PCDHGB3: variants seen among roughly 807,000 people sequenced by gnomAD.
The protein encoded by PCDHGB3 is protocadherin gamma subfamily B, 3.
In PCDHGB3, 40 loss-of-function variants were observed where a neutral mutation model predicts 59.2. That is an observed-to-expected ratio of 0.68 (90% CI 0.52 to 0.88). The LOEUF is 0.88. Ranked by LOEUF, PCDHGB3 falls within the 40% of genes least tolerant of loss-of-function variation. The pLI is 0.00. For missense variants in PCDHGB3, 1,309 were observed against 1,187.9 expected (o/e 1.10, Z -1.50); for synonymous variants, 581 against 503.6 (o/e 1.15, Z -2.06).
At position 141,490,456 on chromosome 5, in the gene PCDHGB3, C is replaced by G. The variant is rs370141879; in HGVS notation, c.2416-4351C>G. On this transcript the variant is annotated intron_variant, in intron 1 of 3. Transcript: ENST00000576222. The surrounding 1 kb of genome is among the most constrained non-coding windows in gnomAD (Gnocchi z 5.4). The stretch of plus-strand genomic sequence containing the variant: ...TAAGCCTTCTGAGAACCACTACTCG[C>G]TGCTAACCAGCCAGCCTTTGGACCG... 3.7e-6 allele frequency: 6 copies of G among 1,614,114 alleles called. No individual in the cohort carries two copies. Among genetic ancestry groups the G allele is most frequent in the Non-Finnish European group, 5.1e-6 (6 of 1,180,058 alleles).
intron 1 of PCDHGB3, among the ~76,000 whole-genome samples, chr5:141,467,062 T>C (rs2099136058): frequency 6.6e-6 from 1 of 151,686 alleles, no homozygotes; most frequent in South Asian, 2.1e-4. Context: ...TTTCTTTTTT[T>C]TTTTTTTTTA....
intron 1 of PCDHGB3, chr5:141,424,460 C>T (rs2096822106): frequency 6.6e-6 from 1 of 152,056 alleles, no homozygotes; most frequent in African/African-American, 2.4e-5. Context: ...GTATTATTTC[C>T]TTTTATTCTT....
chr5:141,408,256 T>C, intron 1 of PCDHGB3: 1 of 1,602,226 alleles, frequency 6.2e-7, no homozygotes, highest in East Asian at 2.3e-5. Flanking sequence ...AGGTGCTATT[T>C]CCTTTGCTGC....
At chr5:141,459,737 A>T (rs2098974670) in intron 1 of PCDHGB3, among the ~76,000 whole-genome samples, 1 of 152,176 alleles carries the variant, frequency 6.6e-6, no homozygotes, top group African/African-American at 2.4e-5. Flanking sequence ...CAATTTTTTA[A>T]ATTTTAGCAA....
At chr5:141,417,532 T>C (rs2096129143) in intron 1 of PCDHGB3, 1 of 284,726 alleles carries the variant, frequency 3.5e-6, no homozygotes, top group African/African-American at 2.2e-5. Flanking sequence ...ACTCGTAGTT[T>C]AAAAAAAATT....
Position 141,423,257 on chromosome 5 carries a change from G to T in PCDHGB3, c.2415+50448G>T, listed in dbSNP as rs1412429501. ...ATCCCCGAAGTCCTGGCGGACCTCG[G>T]CAGCCTCGAGTCTCTGGCTAACTCT... On this transcript the variant is annotated intron_variant, in intron 1 of 3. Transcript: ENST00000576222. The T allele has an allele frequency of 8.7e-6, 14 of 1,613,946 alleles. No individual in the cohort carries two copies. The highest frequency in any genetic ancestry group is 1.3e-5 in the African/African-American group (1 of 75,060).
intron 1 of PCDHGB3, chr5:141,389,516 G>A: frequency 6.2e-7 from 1 of 1,613,168 alleles, no homozygotes; most frequent in Non-Finnish European, 8.5e-7. Context: ...GCGCGAACGT[G>A]AGCCTGCGCG....
intron 2 of PCDHGB3, among the ~76,000 whole-genome samples, chr5:141,499,686 T>G (rs1400567357): frequency 1.3e-5 from 2 of 149,346 alleles, no homozygotes; most frequent in Non-Finnish European, 3.0e-5. Flanking sequence ...CTTTAACAGA[T>G]GACTTTTTTT....
Position 141,371,592 on chromosome 5 carries a change from A to G in PCDHGB3, c.1198A>G (p.Asn400Asp). The change falls in exon 1 of 4, where the codon AAC (asparagine) becomes GAC (aspartate). Residue 400 changes from asparagine to aspartate, a missense_variant. Physicochemically the swap from Asn to Asp is conservative, Grantham distance 23 (BLOSUM62 1). Coordinates refer to ENST00000576222, the MANE Select transcript of PCDHGB3 (RefSeq NM_018924.5). ...CTTTAAAATCGTTCAAGATACCAAAAACACATACAGGTTGGTGACAGATGG... is the reference window on the plus strand; with the variant it reads ...CTTTAAAATCGTTCAAGATACCAAAGACACATACAGGTTGGTGACAGATGG... ...FPFKIVQDTK[N>D]TYRLVTDGAL... 6.2e-7 allele frequency: 1 copy of G among 1,614,000 alleles called. No individual in the cohort carries two copies. The highest frequency in any genetic ancestry group is 8.5e-7 in the Non-Finnish European group (1 of 1,179,890).
chr5:141,374,389 T>C (rs746806211), intron 1 of PCDHGB3: 1 of 1,614,028 alleles, frequency 6.2e-7, no homozygotes, highest in South Asian at 1.1e-5. Flanking sequence ...GCCCGCGGTG[T>C]CTGGTGAGTT....
In PCDHGB3 at chr5:141,371,623, T is replaced by C; in HGVS notation, c.1229T>C (p.Leu410Pro). ...TACAGGTTGGTGACAGATGGAGCCC[T>C]GGACCGGGAGCAGATCCCAGAATAC... ...NTYRLVTDGA[L>P]DREQIPEYNV... Residue 410 changes from leucine to proline, a missense_variant, in exon 1 of 4, where the codon CTG becomes CCG. Coordinates refer to ENST00000576222, the MANE Select transcript of PCDHGB3 (RefSeq NM_018924.5). 1 of 1,614,008 alleles carries C rather than the reference T, an allele frequency of 6.2e-7. No individual in the cohort carries two copies. The highest frequency in any genetic ancestry group is 1.3e-5 in the African/African-American group (1 of 75,052).
Position 141,398,941 on chromosome 5 carries a change from G to A in PCDHGB3, c.2415+26132G>A. 4.3e-6 allele frequency: 7 copies of A among 1,613,890 alleles called. No homozygotes were observed. The highest frequency in any genetic ancestry group is 5.9e-6 in the Non-Finnish European group (7 of 1,179,892). ...AGTGTCAGCCACTGACCAAGACGAG[G>A]GCATCAACTCAGAAATTACTTATTC... is the stretch of plus-strand genomic sequence containing the variant. On this transcript the variant is annotated intron_variant, in intron 1 of 3. Transcript: ENST00000576222.
chr5:141,502,785 A>G (rs576095718), intron 2 of PCDHGB3, among the ~76,000 whole-genome samples: 2 of 150,900 alleles, frequency 1.3e-5, no homozygotes, highest in East Asian at 3.9e-4. Context: ...AATTACCTGG[A>G]TGATTTCTTC....
chr5:141,399,589 A>G (rs1460754588), intron 1 of PCDHGB3: 6 of 1,613,866 alleles, frequency 3.7e-6, no homozygotes, highest in Non-Finnish European at 3.4e-6. Context: ...CTACTCTATC[A>G]TGGCCAGCGA....
At chr5:141,417,452 C>A in intron 1 of PCDHGB3, 1 of 173,536 alleles carries the variant, frequency 5.8e-6, no homozygotes, top group Non-Finnish European at 1.2e-5. Flanking sequence ...ATAGTTATGA[C>A]CAAGTGGAAA....
Position 141,511,344 on chromosome 5 carries a change from T to G in PCDHGB3, c.*171T>G, listed in dbSNP as rs2099883730. 3 of 1,419,052 alleles carry G rather than the reference T, an allele frequency of 2.1e-6. No homozygotes were observed. Among genetic ancestry groups the G allele is most frequent in the Non-Finnish European group, 2.8e-6 (3 of 1,067,404 alleles). 87.9% of individuals were successfully genotyped at this position (1,419,052 alleles called of 1,614,324 possible). On this transcript the variant is annotated 3_prime_UTR_variant, in exon 4 of 4. Coordinates refer to ENST00000576222, the MANE Select transcript of PCDHGB3 (RefSeq NM_018924.5). The stretch of plus-strand genomic sequence containing the variant: ...CAAGTGCCCAGTCAGCACCTACCCC[T>G]TCCCCCCCAGGGGGTTGAATATGCA...
intron 1 of PCDHGB3, among the ~76,000 whole-genome samples, chr5:141,483,613 C>A (rs2099583607): frequency 6.6e-6 from 1 of 151,914 alleles, no homozygotes; most frequent in South Asian, 2.1e-4. Context: ...ACACCTCCAT[C>A]ATTCCCATGG....
chr5:141,399,643 C>G lies in PCDHGB3; in HGVS notation c.2415+26834C>G, dbSNP rs776980167. On this transcript the variant is annotated intron_variant, in intron 1 of 3. Transcript: ENST00000576222. The stretch of plus-strand genomic sequence containing the variant: ...GGCCTCTTACGTGTCCATGAGCGCG[C>G]AAAGTGGGGTGGTGTTCGCGCAGCG... 133 of 1,613,714 alleles carry G rather than the reference C, an allele frequency of 8.2e-5. No individual in the cohort carries two copies. Among genetic ancestry groups the G allele is most frequent in the Non-Finnish European group, 1.1e-4 (126 of 1,179,890 alleles).
chr5:141,449,588 CAA>C (rs768743917), intron 1 of PCDHGB3, among the ~76,000 whole-genome samples: 5 of 57,502 alleles, frequency 8.7e-5, no homozygotes, highest in Admixed American at 1.8e-4. Flanking sequence ...GACTCTGTCT[CAA>C]AAAAAAAAAA....
Sources: allele counts gnomAD v4.1 joint callset (sites outside exome capture counted in the v4.1 genomes callset), GRCh38; gene constraint gnomAD v4.1.1; non-coding constraint Gnocchi (gnomAD v3.1); transcripts MANE v1.5; gene names NCBI Gene and HGNC (gene_info 2026-07-23, HGNC 2026-07-21).